MAP4K1: variants seen among roughly 807,000 people sequenced by gnomAD.
MAP4K1 encodes MAPK/ERK kinase kinase kinase 1.
A neutral mutation model predicts 122.8 loss-of-function variants in MAP4K1; 35 were observed. The observed-to-expected ratio is 0.29, with a 90% CI of 0.22 to 0.38. MAP4K1 has a LOEUF of 0.38. Ranked by LOEUF, MAP4K1 falls within the 10% of genes least tolerant of loss-of-function variation. The probability of loss-of-function intolerance (pLI) is 1.00; values close to 1 mark genes in which losing one functional copy is unlikely to be tolerated. For missense variants in MAP4K1, 791 were observed against 1,072.6 expected (o/e 0.74, Z 3.67); for synonymous variants, 412 against 421.3 (o/e 0.98, Z 0.27).
chr19:38,596,243 G>A lies in MAP4K1; in HGVS notation c.2116+69C>T, dbSNP rs1019736820. The stretch of plus-strand genomic sequence containing the variant: ...CCCGTAGTGCCTCAGGCTAAGCGAA[G>A]CCCCGCCTCCAGCTCCGCCCCTCCG... On this transcript the variant is annotated intron_variant, in intron 26 of 30. Transcript: ENST00000396857. 1.8e-5 allele frequency: 26 copies of A among 1,473,564 alleles called. No individual in the cohort carries two copies. The African/African-American group carries it at 3.2e-4, about 18-fold the overall frequency. The allele number at this position is 1,473,564 out of a possible 1,614,324, so 91.3% of individuals were successfully genotyped here.
chr19:38,601,337 G>T, intron 20 of MAP4K1, 104 bp downstream of exon 20: 1 of 1,022,314 alleles, frequency 9.8e-7, no homozygotes, highest in Non-Finnish European at 1.5e-6. Context: ...ACTCCATTAA[G>T]CTCCTCCCCG....
intron 29 of MAP4K1, among the ~76,000 whole-genome samples, chr19:38,593,724 T>C (rs1464766817): frequency 6.6e-6 from 1 of 152,006 alleles, no homozygotes; most frequent in Non-Finnish European, 1.5e-5. Flanking sequence ...CTACTGAAAA[T>C]ACAAAAATTA....
intron 25 of MAP4K1, 100 bp from the exon 26 acceptor site, chr19:38,596,586 T>C (rs1974894031): frequency 2.0e-6 from 2 of 1,025,150 alleles, no homozygotes; most frequent in Non-Finnish European, 1.4e-6. Flanking sequence ...ACCAGGGCCC[T>C]AAGTCTTGGG....
At chr19:38,605,282 A>G (rs1161287951) in intron 19 of MAP4K1, 127 bp downstream of exon 19, 1 of 692,644 alleles carries the variant, frequency 1.4e-6, no homozygotes, top group East Asian at 2.7e-5. Flanking sequence ...AGATAAGTGT[A>G]GGGCACAGAG....
At chr19:38,610,534 C>T (rs570339050) in intron 11 of MAP4K1, among the ~76,000 whole-genome samples, 10 of 151,662 alleles carry the variant, frequency 6.6e-5, no homozygotes, top group African/African-American at 9.7e-5. Flanking sequence ...TACAGGCGTG[C>T]GCCACTATGC....
chr19:38,595,607 C>A, intron 28 of MAP4K1, 33 bp downstream of exon 28: 1 of 1,613,954 alleles, frequency 6.2e-7, no homozygotes, highest in Non-Finnish European at 8.5e-7. Context: ...AGTTTCCACC[C>A]CTGATCCTGG....
At position 38,605,604 on chromosome 19, in the gene MAP4K1, G is replaced by A. The variant is rs1308360121; in HGVS notation, c.1327C>T (p.Pro443Ser). 3 of 1,562,274 alleles carry A rather than the reference G, an allele frequency of 1.9e-6. No individual in the cohort carries two copies. The highest frequency in any genetic ancestry group is 4.7e-5 in the East Asian group (2 of 42,998). The change falls in exon 18 of 31, where the codon CCA becomes TCA. Residue 443 changes from proline to serine, a missense_variant. This residue lies in a region of MAP4K1 where 303 missense variants were observed against 344.8 expected (regional missense o/e 0.88). Transcript: ENST00000396857. ...PPNSPRPGPP[P>S]STSSPHLTAH... ...GTGAGGTGGGGGCTGCTGGTGGATGGGGGAGGCCCAGGACGGGGGCTGTTT... is the reference window on the plus strand; with the variant it reads ...GTGAGGTGGGGGCTGCTGGTGGATGAGGGAGGCCCAGGACGGGGGCTGTTT...
Position 38,600,182 on chromosome 19 carries a change from C to T in MAP4K1, c.1532-29G>A, listed in dbSNP as rs748813059. 9.4e-6 allele frequency: 15 copies of T among 1,600,830 alleles called. No homozygotes were observed. The Middle Eastern group carries it at 5.0e-4, about 53-fold the overall frequency. ...GAGGCACAGACAAGGACGCTGGGAC[C>T]GACTTCATCCTCAGGGACCTCCCAG... On this transcript the variant is annotated intron_variant, in intron 20 of 30. Coordinates refer to ENST00000396857, the MANE Select transcript of MAP4K1 (RefSeq NM_001042600.3).
chr19:38,597,150 C>T lies in MAP4K1; in HGVS notation c.1838-13G>A. 6.2e-7 allele frequency: 1 copy of T among 1,613,766 alleles called. No homozygotes were observed. The highest frequency in any genetic ancestry group is 8.5e-7 in the Non-Finnish European group (1 of 1,179,684). ...CTCGCACCCTCCGCTGTGGCATGGG[C>T]AAGGATGAGTCAAGATCAATGCCCT... is the stretch of plus-strand genomic sequence containing the variant. On this transcript the variant is annotated splice_polypyrimidine_tract_variant and intron_variant, in intron 24 of 30. Transcript: ENST00000396857. This position sits in a 1 kb window ranked among gnomAD's most constrained non-coding sequence, Gnocchi z 4.6.
chr19:38,617,476 C>A lies in MAP4K1; in HGVS notation c.158-32G>T. The A allele has an allele frequency of 1.2e-6, 2 of 1,600,322 alleles. No homozygotes were observed. Among genetic ancestry groups the A allele is most frequent in the Non-Finnish European group, 1.7e-6 (2 of 1,167,604 alleles). ...GGAGGGCGGGAGAGAAAAGGCAGCT[C>A]GCATGGGGAGAGAGCTACAGGGGAG... On this transcript the variant is annotated intron_variant, in intron 2 of 30. Coordinates refer to ENST00000396857, the MANE Select transcript of MAP4K1 (RefSeq NM_001042600.3). The surrounding 1 kb of genome is among the most constrained non-coding windows in gnomAD (Gnocchi z 4.1).
intron 4 of MAP4K1, among the ~76,000 whole-genome samples, chr19:38,615,372 T>C (rs1057356863): frequency 7.0e-6 from 1 of 142,888 alleles, no homozygotes; most frequent in African/African-American, 2.6e-5. Flanking sequence ...CTTTGCAAAA[T>C]AAGGAAAGGC....
intron 19 of MAP4K1, among the ~76,000 whole-genome samples, chr19:38,601,905 G>A (rs572280872): frequency 1.7e-4 from 26 of 152,006 alleles, no homozygotes; most frequent in Non-Finnish European, 1.5e-4. Flanking sequence ...AGCCTTCTGA[G>A]TAGCTGGGAC....
intron 13 of MAP4K1, among the ~76,000 whole-genome samples, chr19:38,608,836 C>T (rs1302101039): frequency 1.6e-5 from 2 of 123,956 alleles, no homozygotes; most frequent in South Asian, 2.9e-4. Flanking sequence ...AAAACATTAG[C>T]CACGCGTGGT....
At chr19:38,610,282 T>A (rs775178903) in intron 11 of MAP4K1, among the ~76,000 whole-genome samples, 23 of 151,664 alleles carry the variant, frequency 1.5e-4, no homozygotes, top group Non-Finnish European at 2.5e-4. Flanking sequence ...CCAGGCTCAC[T>A]GCAACCTCCA....
In MAP4K1 at chr19:38,608,114, T is replaced by C. The variant is rs373863577; in HGVS notation, c.1063A>G (p.Thr355Ala). The C allele has an allele frequency of 6.6e-5, 102 of 1,540,072 alleles. No individual in the cohort carries two copies. Among genetic ancestry groups the C allele is most frequent in the Non-Finnish European group, 8.7e-5 (100 of 1,144,910 alleles). ...GGAGTGGGGGGACAGCATCTCACGG[T>C]GTTGGCTGGGGGTCTGGTCTCCATT... is the stretch of plus-strand genomic sequence containing the variant. ...RGMETRPPAN[T>A]ARLQPPRDLR... Residue 355 changes from threonine (T) to alanine (A), a missense_variant and splice_region_variant, in exon 14 of 31, where the codon ACC (threonine) becomes GCC (alanine). By Grantham distance (58) the Thr-to-Ala change is moderately conservative. Coordinates refer to ENST00000396857, the MANE Select transcript of MAP4K1 (RefSeq NM_001042600.3).
Position 38,610,947 on chromosome 19 carries a change from G to A in MAP4K1, c.810+104C>T. On this transcript the variant is annotated intron_variant, in intron 11 of 30. Coordinates refer to ENST00000396857, the MANE Select transcript of MAP4K1 (RefSeq NM_001042600.3). ...AAATTCTGAGGCACTAGGGACTTTG[G>A]AAAGGCCACGGGGACTCCATGGAAC... 3 of 1,041,830 alleles carry A rather than the reference G, an allele frequency of 2.9e-6. No homozygotes were observed. The East Asian group carries it at 7.8e-5, about 27-fold the overall frequency. 64.5% of individuals were successfully genotyped at this position (1,041,830 alleles called of 1,614,324 possible).
chr19:38,602,122 C>G (rs1975081900), intron 19 of MAP4K1, among the ~76,000 whole-genome samples: 1 of 152,132 alleles, frequency 6.6e-6, no homozygotes. Context: ...GTTGCCCAGG[C>G]TGGAGTGCAG....
At position 38,601,533 on chromosome 19, in the gene MAP4K1, G is replaced by A. The variant is rs1975064708; in HGVS notation, c.1447-8C>T. 2 of 1,596,718 alleles carry A rather than the reference G, an allele frequency of 1.3e-6. No individual in the cohort carries two copies. The highest frequency in any genetic ancestry group is 1.7e-6 in the Non-Finnish European group (2 of 1,171,846). On this transcript the variant is annotated splice_polypyrimidine_tract_variant and splice_region_variant and intron_variant, in intron 19 of 30. Transcript: ENST00000396857. ...TACGAGAAGGGCACATCCCTGGGCA[G>A]GTCGCCGCGGGGCCAGGCAGCAGAT... is the stretch of plus-strand genomic sequence containing the variant.
rs1034796065 is a variant in MAP4K1 at position 38,595,829 on chromosome 19, G to A, written c.2180-100C>T. The A allele has an allele frequency of 3.3e-6, 5 of 1,494,420 alleles. No homozygotes were observed. In the African/African-American group the frequency reaches 4.1e-5, roughly 12 times the overall value. The allele number at this position is 1,494,420 out of a possible 1,614,324, so 92.6% of individuals were successfully genotyped here. A position where few individuals can be genotyped will look rare whatever the true frequency, so the allele number is the denominator to read the frequency against. On this transcript the variant is annotated intron_variant, in intron 27 of 30. Coordinates refer to ENST00000396857, the MANE Select transcript of MAP4K1 (RefSeq NM_001042600.3). ...AGTGTGAAAGCTATGTAGGACAGGG[G>A]CAAGGCCCAGAGGGGCTCAGGGGGT...
Sources: allele counts gnomAD v4.1 joint callset (sites outside exome capture counted in the v4.1 genomes callset), GRCh38; gene constraint gnomAD v4.1.1; regional missense constraint gnomAD v4.1.1; non-coding constraint Gnocchi (gnomAD v3.1); transcripts MANE v1.5; gene names NCBI Gene and HGNC (gene_info 2026-07-23, HGNC 2026-07-21).